The following DAB1 variants were observed in gnomAD, a reference collection of about 807,000 sequenced individuals.
DAB1 encodes the protein disabled homolog 1.
In DAB1, 15 loss-of-function variants were observed where a neutral mutation model predicts 64.6. The observed-to-expected ratio is 0.23, with a 90% CI of 0.16 to 0.36. The LOEUF (loss-of-function observed/expected upper bound fraction) is 0.36. DAB1 is among the 10% of genes least tolerant of loss of function. The probability of loss-of-function intolerance (pLI) is 1.00; values close to 1 mark genes in which losing one functional copy is unlikely to be tolerated. For synonymous variants in DAB1, 235 were observed against 251.9 expected, an observed-to-expected ratio of 0.93 and a Z score of 0.64; for missense variants, 596 against 706.7, an observed-to-expected ratio of 0.84 and a Z score of 1.78.
chr1:57,331,560 C>A (rs916216192), intron 1 of DAB1, among the ~76,000 whole-genome samples: 19 of 152,130 alleles, frequency 1.2e-4, no homozygotes, highest in African/African-American at 4.8e-5. Flanking sequence ...CTCCTGACAC[C>A]CTTCTCTTTA....
intron 5 of DAB1, among the ~76,000 whole-genome samples, chr1:58,103,983 G>A (rs1654109123): frequency 6.6e-6 from 1 of 152,188 alleles, no homozygotes; most frequent in African/African-American, 2.4e-5. Flanking sequence ...CAGGTCAGCA[G>A]TTCCCACCTT....
chr1:57,052,148 G>A (rs545158516), intron 9 of DAB1, among the ~76,000 whole-genome samples: 94 of 118,884 alleles, frequency 7.9e-4, no homozygotes, highest in African/African-American at 2.5e-3. Context: ...GCGGGGGGGC[G>A]GGGGGAAGCT....
chr1:58,253,672 A>T (rs944962959), intron 4 of DAB1, among the ~76,000 whole-genome samples: 2 of 152,238 alleles, frequency 1.3e-5, no homozygotes, highest in African/African-American at 4.8e-5. Context: ...CAACTGACAG[A>T]TGGTAAAACT....
At chr1:57,256,355 A>T (rs961786297) in intron 2 of DAB1, among the ~76,000 whole-genome samples, 2 of 152,298 alleles carry the variant, frequency 1.3e-5, no homozygotes, top group South Asian at 4.1e-4. Flanking sequence ...GGGGTCTCTG[A>T]GGTTCATAAA....
At chr1:57,126,542 C>T (rs191229564) in intron 4 of DAB1, among the ~76,000 whole-genome samples, 4 of 152,294 alleles carry the variant, frequency 2.6e-5, no homozygotes, top group Non-Finnish European at 4.4e-5. Context: ...TTAATGTTCT[C>T]ATAGTCCAAA....
At chr1:57,553,408 A>AAG (rs149148166) in intron 7 of DAB1, among the ~76,000 whole-genome samples, 1 of 15,006 alleles carries the variant, frequency 6.7e-5, no homozygotes, top group Non-Finnish European at 8.2e-4. Context: ...GAAAGAAAGA[A>AAG]AGAAAGAAAG....
Position 58,224,283 on chromosome 1 carries a change from G to A in DAB1, n.310-73695C>T, listed in dbSNP as rs145562784. On this transcript the variant is annotated intron_variant and non_coding_transcript_variant, in intron 4 of 20. Transcript: ENST00000485760. ...AATTCATATTAAGTGTCTAGCACAA[G>A]AGCTTAAATGTAGCAGGTATTTAAT... Among the ~76,000 whole-genome samples the A allele has an allele frequency of 3.9e-5, 6 of 152,328 alleles. No individual in the cohort carries two copies. The East Asian group carries it at 1.2e-3, about 29-fold the overall frequency.
At chr1:57,116,262 G>C (rs1281241597) in intron 4 of DAB1, among the ~76,000 whole-genome samples, 1 of 151,700 alleles carries the variant, frequency 6.6e-6, no homozygotes, top group Non-Finnish European at 1.5e-5. Flanking sequence ...AGGAGTTCGA[G>C]ACCAGCCTGA....
chr1:57,353,962 T>C (rs970201646), intron 1 of DAB1, among the ~76,000 whole-genome samples: 1 of 152,212 alleles, frequency 6.6e-6, no homozygotes, highest in African/African-American at 2.4e-5. Context: ...TTGTTTTTAC[T>C]GCAGTTAATC....
chr1:57,084,932 C>T (rs1440379270), intron 4 of DAB1, among the ~76,000 whole-genome samples: 1 of 152,116 alleles, frequency 6.6e-6, no homozygotes, highest in East Asian at 1.9e-4. Context: ...CACTAATTGG[C>T]CCCATGATTT....
At chr1:58,117,009 A>G (rs945266003) in intron 5 of DAB1, among the ~76,000 whole-genome samples, 3 of 152,216 alleles carry the variant, frequency 2.0e-5, no homozygotes, top group Admixed American at 1.3e-4. Flanking sequence ...AGAAAGCCCA[A>G]AAAGAGCAGT....
intron 6 of DAB1, among the ~76,000 whole-genome samples, chr1:57,654,717 T>C (rs1646296397): frequency 6.6e-6 from 1 of 152,202 alleles, no homozygotes; most frequent in Non-Finnish European, 1.5e-5. Context: ...ACTAACTGTT[T>C]CATTTATTTT....
intron 2 of DAB1, among the ~76,000 whole-genome samples, chr1:57,180,365 G>A (rs1662785002): frequency 6.6e-6 from 1 of 152,148 alleles, no homozygotes; most frequent in Non-Finnish European, 1.5e-5. Flanking sequence ...AGGAGTATAT[G>A]CTCTAAAATT....
intron 3 of DAB1, among the ~76,000 whole-genome samples, chr1:58,491,075 G>A (rs1379025815): frequency 2.0e-5 from 3 of 152,012 alleles, no homozygotes; most frequent in African/African-American, 7.3e-5. Context: ...CCAAAGTGCT[G>A]AGATTACAGG....
intron 2 of DAB1, among the ~76,000 whole-genome samples, chr1:57,192,512 G>T (rs1203076247): frequency 6.6e-6 from 1 of 152,172 alleles, no homozygotes; most frequent in Non-Finnish European, 1.5e-5. Context: ...AACAGTGAAA[G>T]GAGCACTGTA....
chr1:58,288,047 A>AG (rs1212405387), intron 4 of DAB1, among the ~76,000 whole-genome samples: 2 of 150,612 alleles, frequency 1.3e-5, no homozygotes, highest in African/African-American at 4.9e-5. Context: ...AAAAAAAAAG[A>AG]AAAAAAAGAG....
intron 3 of DAB1, among the ~76,000 whole-genome samples, chr1:58,408,603 C>T (rs1171536895): frequency 6.6e-6 from 1 of 151,692 alleles, no homozygotes; most frequent in Non-Finnish European, 1.5e-5. Flanking sequence ...GAAACTAAAA[C>T]CAAAGAGGGT....
chr1:58,094,955 C>T (rs917153747), intron 5 of DAB1, among the ~76,000 whole-genome samples: 7 of 152,158 alleles, frequency 4.6e-5, no homozygotes, highest in Non-Finnish European at 1.0e-4. Context: ...GGTTGGCAAA[C>T]TTTTTCTGTA....
chr1:57,788,059 T>C (rs1164613203), intron 6 of DAB1, among the ~76,000 whole-genome samples: 1 of 152,008 alleles, frequency 6.6e-6, no homozygotes, highest in Non-Finnish European at 1.5e-5. Flanking sequence ...TCAAATACTA[T>C]TGGTGGAAAG....
Sources: allele counts gnomAD v4.1 joint callset (sites outside exome capture counted in the v4.1 genomes callset), GRCh38; gene constraint gnomAD v4.1.1; transcripts MANE v1.5; gene names NCBI Gene and HGNC (gene_info 2026-07-23, HGNC 2026-07-21).